Variants in PCM1 observed in about 807,000 individuals in gnomAD.
PCM1 encodes pericentriolar material 1.
A neutral mutation model predicts 241.9 loss-of-function variants in PCM1; 157 were observed. That is an observed-to-expected ratio of 0.65 (90% CI 0.57 to 0.74). The LOEUF (loss-of-function observed/expected upper bound fraction) is 0.74. Among genes scored for constraint, PCM1 ranks in the 30% least tolerant of loss-of-function variants. The pLI, the probability that PCM1 is intolerant of heterozygous loss-of-function variation, is 0.00. For missense variants in PCM1, 3,478 were observed against 2,360.1 expected, an observed-to-expected ratio of 1.47 and a Z score of -9.81; for synonymous variants, 1,085 against 784.9, an observed-to-expected ratio of 1.38 and a Z score of -6.39.
chr8:17,941,295 A>G (rs141046265), intron 6 of PCM1, among the ~76,000 whole-genome samples: 2 of 152,320 alleles, frequency 1.3e-5, no homozygotes, highest in East Asian at 3.9e-4. Context: ...TGTAATTTAT[A>G]TAAAGTATTC....
rs79128667 is a variant in PCM1 at position 17,945,105 on chromosome 8, C to T, written c.784-2081C>T. Among the ~76,000 whole-genome samples, 473 of 152,086 alleles carry T rather than the reference C, an allele frequency of 3.1e-3. 2 individuals are homozygous for T. The highest frequency in any genetic ancestry group is 0.011 in the African/African-American group (459 of 41,508). Reference sequence around the variant, plus strand: ...CTATTTGATTTGGTTTTACATTTTACCGTTGACTTTGATGAAATCATTATA... The same window carrying T: ...CTATTTGATTTGGTTTTACATTTTATCGTTGACTTTGATGAAATCATTATA... On this transcript the variant is annotated intron_variant, in intron 6 of 38. Coordinates refer to ENST00000325083, the MANE Select transcript of PCM1 (RefSeq NM_006197.4).
intron 23 of PCM1, among the ~76,000 whole-genome samples, chr8:17,974,997 G>GGACAA (rs1207135466): frequency 3.3e-5 from 5 of 152,060 alleles, no homozygotes; most frequent in African/African-American, 1.2e-4. Flanking sequence ...TCTGAACTGT[G>GGACAA]GACAAGCAGC....
intron 17 of PCM1, among the ~76,000 whole-genome samples, 178 bp downstream of exon 17, chr8:17,963,469 G>T (rs896921296): frequency 1.3e-5 from 2 of 152,116 alleles, no homozygotes; most frequent in African/African-American, 4.8e-5. Flanking sequence ...TTTCTGTTCT[G>T]ACTTCTCGTA....
At position 17,956,716 on chromosome 8, in the gene PCM1, G is replaced by C. The variant is rs747651447; in HGVS notation, c.1585G>C (p.Glu529Gln). 46 of 1,607,016 alleles carry C rather than the reference G, an allele frequency of 2.9e-5. No homozygotes were observed. Among genetic ancestry groups the C allele is most frequent in the Non-Finnish European group, 3.8e-5 (45 of 1,175,734 alleles). ...DAVNENRKDE[E>Q]TEESEYDSEH... ...TGTGAATGAAAACAGGAAAGATGAA[G>C]AAACTGAAGAGTCAGAATATGATTC... Residue 529 changes from glutamate (E) to glutamine (Q), a missense_variant, in exon 11 of 39, where the codon GAA (glutamate) becomes CAA (glutamine). By Grantham distance (29) the Glu-to-Gln change is conservative. Coordinates refer to ENST00000325083, the MANE Select transcript of PCM1 (RefSeq NM_006197.4).
intron 36 of PCM1, among the ~76,000 whole-genome samples, chr8:18,022,637 A>G (rs2093847513): frequency 6.6e-6 from 1 of 152,210 alleles, no homozygotes; most frequent in African/African-American, 2.4e-5. Context: ...ATTGCTGGTA[A>G]TTTTATCACT....
chr8:18,014,094 C>T lies in PCM1; in HGVS notation c.5584+58C>T. 13 of 804,364 alleles carry T rather than the reference C, an allele frequency of 1.6e-5. No individual in the cohort carries two copies. In the South Asian group the frequency reaches 2.5e-4, roughly 16 times the overall value. The allele number at this position is 804,364 out of a possible 1,614,324, so 49.8% of individuals were successfully genotyped here. On this transcript the variant is annotated intron_variant, in intron 35 of 38. Coordinates refer to ENST00000325083, the MANE Select transcript of PCM1 (RefSeq NM_006197.4). Reference sequence around the variant, plus strand: ...ATAATTTCCTTTATTTGCTTTAAAGCTAAAAAAAAAAAAAAAACACACACA... The same window carrying T: ...ATAATTTCCTTTATTTGCTTTAAAGTTAAAAAAAAAAAAAAAACACACACA...
In PCM1 at chr8:18,027,778, T is replaced by C. The variant is rs931050811; in HGVS notation, c.*116T>C. 1.4e-5 allele frequency: 9 copies of C among 631,590 alleles called. No individual in the cohort carries two copies. The highest frequency in any genetic ancestry group is 7.4e-5 in the African/African-American group (4 of 54,126). The allele number at this position is 631,590 out of a possible 1,614,324, so 39.1% of individuals were successfully genotyped here. A position where few individuals can be genotyped will look rare whatever the true frequency, so the allele number is the denominator to read the frequency against. On this transcript the variant is annotated 3_prime_UTR_variant, in exon 39 of 39. Transcript: ENST00000325083. ...TGTAAATTAGTTTGACACTGCTTTT[T>C]TGATAGGTGTGGTCATTTCTCCCCA...
At chr8:17,924,244 T>A (rs1482363703) in intron 1 of PCM1, among the ~76,000 whole-genome samples, 4 of 152,222 alleles carry the variant, frequency 2.6e-5, no homozygotes, top group Non-Finnish European at 4.4e-5. Flanking sequence ...ACCAATATAA[T>A]ACAGAGTTTT....
At chr8:18,017,831 C>T (rs2093366753) in intron 36 of PCM1, among the ~76,000 whole-genome samples, 2 of 151,474 alleles carry the variant, frequency 1.3e-5, no homozygotes, top group African/African-American at 4.9e-5. Flanking sequence ...CCAGCCTGGG[C>T]AACAAGAGCA....
At chr8:17,950,077 A>G (rs2065442618) in intron 7 of PCM1, among the ~76,000 whole-genome samples, 1 of 152,204 alleles carries the variant, frequency 6.6e-6, no homozygotes, top group South Asian at 2.1e-4. Flanking sequence ...GAACACAGCC[A>G]TGCCCTTTTG....
chr8:17,961,510 A>G (rs944445931), intron 15 of PCM1, among the ~76,000 whole-genome samples: 2 of 151,782 alleles, frequency 1.3e-5, no homozygotes, highest in Admixed American at 1.3e-4. Context: ...ACGGGGTTTC[A>G]CCGTGTTAGC....
chr8:18,018,644 C>T (rs1424723318), intron 36 of PCM1, among the ~76,000 whole-genome samples: 2 of 151,646 alleles, frequency 1.3e-5, no homozygotes, highest in East Asian at 3.9e-4. Context: ...AACCCCATCT[C>T]TACTGAAAAT....
intron 6 of PCM1, among the ~76,000 whole-genome samples, chr8:17,942,360 A>C (rs909869398): frequency 6.6e-6 from 1 of 151,288 alleles, no homozygotes; most frequent in Non-Finnish European, 1.5e-5. Context: ...CCAGCTACTC[A>C]GGAGGCTGAG....
intron 23 of PCM1, among the ~76,000 whole-genome samples, chr8:17,975,037 G>A (rs989190355): frequency 3.3e-5 from 5 of 152,078 alleles, no homozygotes; most frequent in Admixed American, 6.5e-5. Context: ...TATTAGAAAT[G>A]CGTGCTTTTG....
intron 31 of PCM1, among the ~76,000 whole-genome samples, chr8:18,010,395 C>T (rs929404001): frequency 5.9e-5 from 9 of 152,132 alleles, no homozygotes; most frequent in African/African-American, 2.2e-4. Flanking sequence ...TCACACTTTT[C>T]ATGATATTTA....
intron 7 of PCM1, among the ~76,000 whole-genome samples, chr8:17,948,240 T>C (rs924180412): frequency 1.3e-5 from 2 of 151,648 alleles, no homozygotes; most frequent in African/African-American, 2.4e-5. Context: ...ATCCCTGTTA[T>C]ACCTAATTTA....
Position 17,953,160 on chromosome 8 carries a change from G to C in PCM1, c.1262G>C (p.Arg421Pro). Residue 421 changes from arginine (R) to proline (P), a missense_variant, in exon 9 of 39, where the codon CGA becomes CCA. Physicochemically the swap from Arg to Pro is moderately radical, Grantham distance 103. Coordinates refer to ENST00000325083, the MANE Select transcript of PCM1 (RefSeq NM_006197.4). ...TTGCTTGGAGAACTTCATACACTTC[G>C]AGATCAGCATCTTAACAATTCATCA... ...DKLLGELHTLRDQHLNNSSSS... is the reference protein window; with the variant it reads ...DKLLGELHTLPDQHLNNSSSS... The C allele has an allele frequency of 6.4e-7, 1 of 1,574,132 alleles. No homozygotes were observed. The highest frequency in any genetic ancestry group is 8.6e-7 in the Non-Finnish European group (1 of 1,157,436).
At chr8:17,970,938 G>A (rs566735655) in intron 22 of PCM1, among the ~76,000 whole-genome samples, 8 of 152,218 alleles carry the variant, frequency 5.3e-5, no homozygotes, top group African/African-American at 1.9e-4. Flanking sequence ...GTCTTATTCA[G>A]GGGTCAGAAA....
intron 34 of PCM1, among the ~76,000 whole-genome samples, chr8:18,012,090 G>T (rs2092601796): frequency 6.6e-6 from 1 of 152,082 alleles, no homozygotes. Flanking sequence ...AAACTCCTGA[G>T]CTCAAGCGAT....
Sources: allele counts gnomAD v4.1 joint callset (sites outside exome capture counted in the v4.1 genomes callset), GRCh38; gene constraint gnomAD v4.1.1; transcripts MANE v1.5; gene names NCBI Gene and HGNC (gene_info 2026-07-23, HGNC 2026-07-21).